KCNIP1: variants seen among roughly 807,000 people sequenced by gnomAD.
KCNIP1 encodes the protein A-type potassium channel modulatory protein KCNIP1.
Under a neutral mutation model 33.0 loss-of-function variants are expected in KCNIP1, and 18 were observed. The observed-to-expected ratio is 0.55, with a 90% confidence interval of 0.38 to 0.81. KCNIP1 has a LOEUF of 0.81. Among genes scored for constraint, KCNIP1 ranks in the 30% least tolerant of loss-of-function variants. The pLI is 0.00. For synonymous variants in KCNIP1, 93 were observed against 98.3 expected (o/e 0.95, Z 0.32); for missense variants, 238 against 271.6 (o/e 0.88, Z 0.87).
At chr5:170,518,461 G>A (rs570871402) in intron 1 of KCNIP1, among the ~76,000 whole-genome samples, 7 of 152,158 alleles carry the variant, frequency 4.6e-5, no homozygotes, top group Non-Finnish European at 1.0e-4. Context: ...ATTCCAGCAC[G>A]TGGCACAGTG....
At chr5:170,672,321 G>A (rs1298586706) in intron 1 of KCNIP1, among the ~76,000 whole-genome samples, 1 of 152,258 alleles carries the variant, frequency 6.6e-6, no homozygotes, top group Non-Finnish European at 1.5e-5. Context: ...GACTGGCATG[G>A]TGAGACCTGT....
At chr5:170,705,697 CA>C (rs1561775148) in intron 1 of KCNIP1, among the ~76,000 whole-genome samples, 1 of 152,162 alleles carries the variant, frequency 6.6e-6, no homozygotes. Flanking sequence ...CCTCAACTGA[CA>C]ATTGAGTTGT....
chr5:170,680,364 C>G (rs924181482), intron 1 of KCNIP1: 6 of 152,244 alleles, frequency 3.9e-5, no homozygotes, highest in Non-Finnish European at 7.3e-5. Flanking sequence ...CTTTTGCCTC[C>G]TCATTCTCTC....
At chr5:170,427,108 G>A (rs775060588) in intron 1 of KCNIP1, among the ~76,000 whole-genome samples, 4 of 152,232 alleles carry the variant, frequency 2.6e-5, no homozygotes, top group Non-Finnish European at 4.4e-5. Context: ...CACAGGGTAG[G>A]GGAGAGTCAT....
intron 1 of KCNIP1, 111 bp from the exon 2 acceptor site, chr5:170,718,647 C>A: frequency 7.7e-7 from 1 of 1,306,056 alleles, no homozygotes; most frequent in South Asian, 1.3e-5. Context: ...GACCCCAGCC[C>A]ACAGTCCTAG....
In KCNIP1 at chr5:170,515,836, A is replaced by G. The variant is rs576485787; in HGVS notation, c.61+11203A>G. On this transcript the variant is annotated intron_variant, in intron 1 of 7. Transcript: ENST00000328939. ...TTCAGAGGATGGAGAAAGCACCTCT[A>G]TCTGAGGGGCAGGGGCTGGAGAATT... is the stretch of plus-strand genomic sequence containing the variant. Among the ~76,000 whole-genome samples the G allele has an allele frequency of 1.7e-4, 26 of 152,342 alleles. No individual in the cohort carries two copies. In the South Asian group the frequency reaches 4.3e-3, roughly 25 times the overall value.
At chr5:170,673,396 T>A (rs1480056291) in intron 1 of KCNIP1, among the ~76,000 whole-genome samples, 1 of 152,228 alleles carries the variant, frequency 6.6e-6, no homozygotes, top group East Asian at 1.9e-4. Context: ...TGACAGCTAA[T>A]ATTTATGGAT....
At chr5:170,536,869 A>T (rs1019514362) in intron 1 of KCNIP1, among the ~76,000 whole-genome samples, 2 of 152,190 alleles carry the variant, frequency 1.3e-5, no homozygotes, top group Non-Finnish European at 2.9e-5. Flanking sequence ...GAAAGGAGGG[A>T]GGCAGGATGG....
intron 1 of KCNIP1, among the ~76,000 whole-genome samples, chr5:170,698,292 C>T (rs1314582126): frequency 2.0e-5 from 3 of 152,174 alleles, no homozygotes; most frequent in Admixed American, 1.3e-4. Flanking sequence ...TACCCAAGGC[C>T]ACCAGGTATC....
intron 1 of KCNIP1, among the ~76,000 whole-genome samples, chr5:170,358,305 CT>C (rs1763402809): frequency 6.6e-6 from 1 of 152,154 alleles, no homozygotes; most frequent in Non-Finnish European, 1.5e-5. Context: ...TGAGATCTAT[CT>C]CAAGGACAAG....
intron 1 of KCNIP1, among the ~76,000 whole-genome samples, chr5:170,436,976 GT>G (rs144396286): frequency 0.01 from 1,548 of 152,330 alleles, 28 homozygotes; most frequent in African/African-American, 0.036. Flanking sequence ...AGTAATTTAA[GT>G]TTTGTGTGAC....
intron 1 of KCNIP1, among the ~76,000 whole-genome samples, chr5:170,677,670 A>G (rs1454236147): frequency 6.6e-6 from 1 of 152,154 alleles, no homozygotes; most frequent in African/African-American, 2.4e-5. Context: ...CCAGTCTTTT[A>G]TGATGTCTGG....
At chr5:170,427,703 AC>A (rs1755645106) in intron 1 of KCNIP1, among the ~76,000 whole-genome samples, 1 of 152,154 alleles carries the variant, frequency 6.6e-6, no homozygotes, top group African/African-American at 2.4e-5. Context: ...CCCAGGCTGC[AC>A]CTGTGGGGTC....
Position 170,504,579 on chromosome 5 carries a change from G to A in KCNIP1, c.7G>A (p.Ala3Thr). 6.2e-7 allele frequency: 1 copy of A among 1,613,552 alleles called. No individual in the cohort carries two copies. Among genetic ancestry groups the A allele is most frequent in the Non-Finnish European group, 8.5e-7 (1 of 1,180,004 alleles). The part of the protein sequence containing the change: MG[A>T]VMGTFSSLQT... ...CACTCAAGTCTTCGCTGCCATGGGGGCCGTCATGGGCACCTTCTCATCTCT... is the reference window on the plus strand; with the variant it reads ...CACTCAAGTCTTCGCTGCCATGGGGACCGTCATGGGCACCTTCTCATCTCT... Residue 3 changes from alanine to threonine, a missense_variant, in exon 1 of 8, where the codon GCC becomes ACC. By Grantham distance (58) the Ala-to-Thr change is moderately conservative (BLOSUM62 0). Transcript: ENST00000328939. This position sits in a 1 kb window ranked among gnomAD's most constrained non-coding sequence, Gnocchi z 6.0.
intron 1 of KCNIP1, chr5:170,681,082 G>A (rs905529407): frequency 5.0e-6 from 2 of 399,458 alleles, no homozygotes; most frequent in Non-Finnish European, 8.8e-6. Flanking sequence ...TGGGCAGAGG[G>A]CGAGTCCGAA....
intron 1 of KCNIP1, among the ~76,000 whole-genome samples, chr5:170,573,455 T>A (rs1261084584): frequency 6.6e-6 from 1 of 150,800 alleles, no homozygotes; most frequent in East Asian, 1.9e-4. Flanking sequence ...CTTTACAAAA[T>A]TTAAAATTTT....
chr5:170,670,757 G>A (rs1218882715), intron 1 of KCNIP1, among the ~76,000 whole-genome samples: 1 of 152,136 alleles, frequency 6.6e-6, no homozygotes, highest in Non-Finnish European at 1.5e-5. Context: ...GCCAGGTGTG[G>A]TGATGCAGCA....
chr5:170,500,672 A>G (rs1757392526), upstream of KCNIP1, among the ~76,000 whole-genome samples: 1 of 152,100 alleles, frequency 6.6e-6, no homozygotes, highest in Non-Finnish European at 1.5e-5. Flanking sequence ...GTGTTCTTCT[A>G]CTTAGACACA....
intron 1 of KCNIP1, chr5:170,375,513 T>C: frequency 6.5e-6 from 1 of 153,062 alleles, no homozygotes; most frequent in Non-Finnish European, 1.5e-5. Flanking sequence ...GCCTGGCCCC[T>C]GTGGCTTTGA....
Sources: gnomAD v4.1 joint callset for allele counts (sites outside exome capture counted in the v4.1 genomes callset) on GRCh38, gnomAD v4.1.1 for gene constraint, Gnocchi (gnomAD v3.1) non-coding constraint, MANE v1.5 for transcripts, NCBI Gene and HGNC (gene_info 2026-07-23, HGNC 2026-07-21) for gene names.